Variants in RPGRIP1 observed in about 807,000 individuals in gnomAD.
RPGRIP1 encodes the protein RPGR interacting protein 1, also known as X-linked retinitis pigmentosa GTPase regulator-interacting protein 1.
Under a neutral mutation model 157.9 loss-of-function variants are expected in RPGRIP1, and 128 were observed. That is an observed-to-expected ratio of 0.81 (90% CI 0.70 to 0.94). The LOEUF (loss-of-function observed/expected upper bound fraction) is 0.94, where lower values mean the gene tolerates loss of function less well. Ranked by LOEUF, RPGRIP1 falls within the 40% of genes least tolerant of loss-of-function variation. The probability of loss-of-function intolerance (pLI) is 0.00; values close to 1 mark genes in which losing one functional copy is unlikely to be tolerated. For missense variants in RPGRIP1, 1,486 were observed against 1,545.8 expected (o/e 0.96, Z 0.65); for synonymous variants, 554 against 571.6 (o/e 0.97, Z 0.44).
intron 22 of RPGRIP1, among the ~76,000 whole-genome samples, chr14:21,344,484 C>T (rs1000468148): frequency 1.3e-5 from 2 of 152,144 alleles, no homozygotes; most frequent in Non-Finnish European, 2.9e-5. Context: ...TACCAGATTT[C>T]TTATCTCCTG....
At chr14:21,342,574 G>T (rs1290640753) in intron 21 of RPGRIP1, among the ~76,000 whole-genome samples, 2 of 151,394 alleles carry the variant, frequency 1.3e-5, no homozygotes, top group Non-Finnish European at 2.9e-5. Flanking sequence ...AGAAATAGCT[G>T]TTTAGAAATT....
intron 20 of RPGRIP1, among the ~76,000 whole-genome samples, chr14:21,332,574 G>A (rs17792635): frequency 2.6e-5 from 4 of 152,184 alleles, no homozygotes; most frequent in East Asian, 3.9e-4. Context: ...ACCTGAATGC[G>A]GGGTTCCAGT....
At chr14:21,295,751 C>T (rs574437587) in intron 3 of RPGRIP1, among the ~76,000 whole-genome samples, 1 of 152,216 alleles carries the variant, frequency 6.6e-6, no homozygotes, top group Non-Finnish European at 1.5e-5. Flanking sequence ...GCTGGGATTA[C>T]AGGCTTGAGC....
intron 2 of RPGRIP1, among the ~76,000 whole-genome samples, chr14:21,293,621 G>A (rs1193566787): frequency 6.6e-6 from 1 of 152,110 alleles, no homozygotes; most frequent in African/African-American, 2.4e-5. Flanking sequence ...GCTCACACCT[G>A]TAATCCCAGC....
intron 21 of RPGRIP1, 129 bp downstream of exon 21, chr14:21,334,834 G>C: frequency 1.8e-6 from 1 of 551,064 alleles, no homozygotes; most frequent in Non-Finnish European, 3.2e-6. Flanking sequence ...CCTAAGGTCG[G>C]GAGTTCGAGA....
chr14:21,333,924 CTT>C (rs372543522), intron 20 of RPGRIP1, among the ~76,000 whole-genome samples: 20 of 130,490 alleles, frequency 1.5e-4, no homozygotes, highest in Admixed American at 3.2e-4. Flanking sequence ...TTGAGGCCAC[CTT>C]TTTTTTTTTT....
chr14:21,351,002 TG>T, intron 24 of RPGRIP1, 101 bp from the exon 25 acceptor site: 1 of 628,092 alleles, frequency 1.6e-6, no homozygotes, highest in East Asian at 2.8e-5. Flanking sequence ...TCTTATGAAA[TG>T]GGTAATTTCA....
chr14:21,315,183 C>T (rs373297019), intron 10 of RPGRIP1, among the ~76,000 whole-genome samples: 3 of 151,674 alleles, frequency 2.0e-5, no homozygotes, highest in Non-Finnish European at 4.4e-5. Context: ...AAAAAAAAAA[C>T]CTGTAAGTAA....
intron 24 of RPGRIP1, 88 bp downstream of exon 24, chr14:21,348,390 T>C (rs1885784078): frequency 1.9e-6 from 2 of 1,027,242 alleles, no homozygotes; most frequent in East Asian, 5.7e-5. Flanking sequence ...TAATTATTAC[T>C]ATGAAGTTGA....
At chr14:21,340,764 A>G (rs1884916023) in intron 21 of RPGRIP1, among the ~76,000 whole-genome samples, 1 of 152,114 alleles carries the variant, frequency 6.6e-6, no homozygotes, top group South Asian at 2.1e-4. Context: ...TTTCTGCAGT[A>G]TCCAATACTC....
rs10151259 is a variant in RPGRIP1 at position 21,321,881 on chromosome 14, G to T, written c.1639G>T (p.Ala547Ser). The T allele has an allele frequency of 0.23, 365,449 of 1,611,936 alleles. 43,592 individuals carry two copies. Among genetic ancestry groups the T allele is most frequent in the Non-Finnish European group, 0.24 (283,230 of 1,178,672 alleles). The change falls in exon 14 of 25, where the codon GCT (alanine) becomes TCT (serine). Residue 547 changes from alanine to serine, a missense_variant. Physicochemically the swap from Ala to Ser is moderately conservative, Grantham distance 99 (BLOSUM62 1). Coordinates refer to ENST00000400017, the MANE Select transcript of RPGRIP1 (RefSeq NM_020366.4). ...QEELEAMMTK[A>S]DNDNRDHKEK... ...GGAACTGGAGGCAATGATGACAAAA[G>T]CTGACAATGATAATAGAGATCACAA...
At chr14:21,340,327 C>T (rs940360351) in intron 21 of RPGRIP1, among the ~76,000 whole-genome samples, 1 of 152,142 alleles carries the variant, frequency 6.6e-6, no homozygotes, top group Non-Finnish European at 1.5e-5. Flanking sequence ...AGACATTATG[C>T]CAGGCATTGT....
At chr14:21,329,357 T>C (rs528793100) in intron 19 of RPGRIP1, among the ~76,000 whole-genome samples, 196 of 152,068 alleles carry the variant, frequency 1.3e-3, no homozygotes, top group Non-Finnish European at 2.5e-3. Context: ...TCATAGCTAA[T>C]TGTGGCTAGC....
intron 4 of RPGRIP1, 96 bp downstream of exon 4, chr14:21,301,333 C>T (rs1158757914): frequency 1.5e-6 from 2 of 1,325,558 alleles, no homozygotes; most frequent in Non-Finnish European, 2.1e-6. Flanking sequence ...TGCCCACCAC[C>T]CCATTTTGTT....
intron 6 of RPGRIP1, among the ~76,000 whole-genome samples, chr14:21,304,419 GAA>G (rs1566673297): frequency 6.7e-6 from 1 of 150,188 alleles, no homozygotes; most frequent in East Asian, 2.0e-4. Context: ...AAGAAAGAAA[GAA>G]AGAAAGAAAG....
At chr14:21,289,151 C>A (rs1264014655) in intron 2 of RPGRIP1, among the ~76,000 whole-genome samples, 11 of 151,960 alleles carry the variant, frequency 7.2e-5, no homozygotes, top group South Asian at 2.1e-4. Context: ...CATGGTGAAA[C>A]CCCGTCTCTA....
At chr14:21,331,255 G>T (rs989840826) in intron 20 of RPGRIP1, among the ~76,000 whole-genome samples, 3 of 150,690 alleles carry the variant, frequency 2.0e-5, no homozygotes, top group Non-Finnish European at 4.4e-5. Flanking sequence ...GGTTGTGGTG[G>T]CTCATACCTG....
At position 21,343,209 on chromosome 14, in the gene RPGRIP1, C is replaced by A. The variant is rs1448324598; in HGVS notation, c.3513C>A (p.Ile1171=). The A allele has an allele frequency of 3.7e-6, 6 of 1,612,314 alleles. No homozygotes were observed. In the African/African-American group the frequency reaches 4.0e-5, roughly 11 times the overall value. ...SLRKPRAGEE[I]HFHFSKVIDL... ...GGAAGCCTAGGGCAGGAGAAGAAAT[C>A]CACTTTCACTTTAGCAAGGGTGAGG... is the stretch of plus-strand genomic sequence containing the variant. Residue 1171 remains isoleucine (I), a synonymous_variant, in exon 22 of 25, where the codon ATC becomes ATA. Coordinates refer to ENST00000400017, the MANE Select transcript of RPGRIP1 (RefSeq NM_020366.4).
chr14:21,328,760 G>C (rs368355757), intron 19 of RPGRIP1, 133 bp downstream of exon 19: 1 of 658,020 alleles, frequency 1.5e-6, no homozygotes, highest in East Asian at 2.8e-5. Flanking sequence ...TGGTGGCTTC[G>C]GCCTGTAATC....
Sources: gnomAD v4.1 joint callset for allele counts (sites outside exome capture counted in the v4.1 genomes callset) on GRCh38, gnomAD v4.1.1 for gene constraint, MANE v1.5 for transcripts, NCBI Gene and HGNC (gene_info 2026-07-23, HGNC 2026-07-21) for gene names.